AIG1: variants seen among roughly 807,000 people sequenced by gnomAD.
The protein encoded by AIG1 is androgen induced 1, also known as androgen-induced gene 1 protein.
In AIG1, 23 loss-of-function variants were observed where a neutral mutation model predicts 31.4. The observed-to-expected ratio is 0.73, with a 90% CI of 0.53 to 1.04. AIG1 has a LOEUF of 1.04. Ranked by LOEUF, AIG1 falls within the 50% of genes least tolerant of loss-of-function variation. The pLI is 0.00. For synonymous variants in AIG1, 100 were observed against 110.5 expected (o/e 0.90, Z 0.60); for missense variants, 274 against 295.0 (o/e 0.93, Z 0.52).
chr6:143,302,777 C>T lies in AIG1; in HGVS notation c.515+18552C>T, dbSNP rs185740974. Among the ~76,000 whole-genome samples the T allele has an allele frequency of 7.9e-3, 1,204 of 152,302 alleles. 15 individuals carry two copies. Among genetic ancestry groups the T allele is most frequent in the African/African-American group, 0.027 (1,115 of 41,552 alleles). Reference sequence around the variant, plus strand: ...GCTGGGTCAAATGGCATTTCTAGTTCTAGATCCCTGAGGAATCGCCACACT... The same window carrying T: ...GCTGGGTCAAATGGCATTTCTAGTTTTAGATCCCTGAGGAATCGCCACACT... On this transcript the variant is annotated intron_variant, in intron 4 of 5. Transcript: ENST00000357847.
chr6:143,207,144 A>T (rs1381707137), intron 3 of AIG1, among the ~76,000 whole-genome samples: 1 of 152,086 alleles, frequency 6.6e-6, no homozygotes, highest in Admixed American at 6.6e-5. Context: ...CTTTTTGTGA[A>T]TGCAGTTCTT....
intron 1 of AIG1, chr6:143,061,599 G>C (rs1255648345): frequency 1.0e-5 from 3 of 286,908 alleles, no homozygotes; most frequent in Non-Finnish European, 2.1e-5. Flanking sequence ...CTTTGCATCT[G>C]TTTTTTTCCC....
In AIG1 at chr6:143,129,058, G is replaced by A. The variant is rs1026375301; in HGVS notation, c.142-7777G>A. On this transcript the variant is annotated intron_variant, in intron 1 of 5. Transcript: ENST00000357847. Reference sequence around the variant, plus strand: ...TGTAATCCCAGCATTTTGGGAGGCCGAGGCAGGCAGATCACGAGGTCAAGA... The same window carrying A: ...TGTAATCCCAGCATTTTGGGAGGCCAAGGCAGGCAGATCACGAGGTCAAGA... Among the ~76,000 whole-genome samples, 4 of 152,144 alleles carry A rather than the reference G, an allele frequency of 2.6e-5. No homozygotes were observed. The South Asian group carries it at 8.3e-4, about 32-fold the overall frequency.
At chr6:143,305,380 C>G (rs1437250450) in intron 4 of AIG1, among the ~76,000 whole-genome samples, 1 of 152,094 alleles carries the variant, frequency 6.6e-6, no homozygotes, top group Non-Finnish European at 1.5e-5. Context: ...AAATTTCCCT[C>G]TACACACTGC....
intron 3 of AIG1, among the ~76,000 whole-genome samples, chr6:143,220,747 T>C (rs1792424333): frequency 6.6e-6 from 1 of 152,258 alleles, no homozygotes; most frequent in Admixed American, 6.5e-5. Flanking sequence ...GAGTGTTTAT[T>C]GGGCCTCTCC....
intron 1 of AIG1, among the ~76,000 whole-genome samples, chr6:143,095,124 AGT>A (rs1163408545): frequency 1.2e-4 from 19 of 152,230 alleles, no homozygotes; most frequent in Non-Finnish European, 2.8e-4. Context: ...AAACCAGATC[AGT>A]GTGATGGAGA....
intron 4 of AIG1, among the ~76,000 whole-genome samples, chr6:143,317,947 G>A (rs983765238): frequency 2.6e-5 from 4 of 152,008 alleles, no homozygotes; most frequent in Non-Finnish European, 5.9e-5. Flanking sequence ...TCAAGGAGGT[G>A]AAAGACATCT....
At chr6:143,310,071 A>G (rs575034961) in intron 4 of AIG1, among the ~76,000 whole-genome samples, 2 of 152,122 alleles carry the variant, frequency 1.3e-5, no homozygotes, top group East Asian at 3.9e-4. Context: ...CCCCTCTTTT[A>G]GCAATTATTA....
intron 3 of AIG1, among the ~76,000 whole-genome samples, chr6:143,212,544 G>A (rs1791673174): frequency 6.6e-6 from 1 of 152,162 alleles, no homozygotes; most frequent in African/African-American, 2.4e-5. Flanking sequence ...TTAAGCAAGT[G>A]ACTGACCAGA....
chr6:143,285,970 A>G (rs897342789), intron 4 of AIG1, among the ~76,000 whole-genome samples: 7 of 152,178 alleles, frequency 4.6e-5, no homozygotes, highest in African/African-American at 1.7e-4. Flanking sequence ...TGTTTAAAAC[A>G]TACCTGGAAC....
At chr6:143,145,131 C>T (rs957993913) in intron 2 of AIG1, among the ~76,000 whole-genome samples, 2 of 152,096 alleles carry the variant, frequency 1.3e-5, no homozygotes, top group African/African-American at 4.8e-5. Flanking sequence ...CTCAAGTGAT[C>T]CTCGCACCTC....
At chr6:143,151,277 A>T (rs1562431637) in intron 2 of AIG1, among the ~76,000 whole-genome samples, 1 of 152,168 alleles carries the variant, frequency 6.6e-6, no homozygotes, top group Non-Finnish European at 1.5e-5. Flanking sequence ...AATAAATCAC[A>T]ATTGTGTTTG....
At chr6:143,311,368 T>C (rs937656739) in intron 4 of AIG1, among the ~76,000 whole-genome samples, 1 of 151,922 alleles carries the variant, frequency 6.6e-6, no homozygotes, top group Non-Finnish European at 1.5e-5. Context: ...ACACAGTCTA[T>C]GCATATAACA....
At chr6:143,231,855 C>T (rs114851670) in intron 3 of AIG1, among the ~76,000 whole-genome samples, 1,890 of 152,172 alleles carry the variant, frequency 0.012, 35 homozygotes, top group African/African-American at 0.041. Context: ...TGATAGCATA[C>T]GTATAGATGA....
chr6:143,314,599 T>C (rs978262955), intron 4 of AIG1, among the ~76,000 whole-genome samples: 1 of 152,042 alleles, frequency 6.6e-6, no homozygotes, highest in African/African-American at 2.4e-5. Context: ...TTAGATAACA[T>C]CTAATAAAAT....
intron 3 of AIG1, among the ~76,000 whole-genome samples, chr6:143,194,936 A>T (rs1447302234): frequency 6.6e-6 from 1 of 152,252 alleles, no homozygotes; most frequent in Non-Finnish European, 1.5e-5. Context: ...GGGAGTCCCT[A>T]GAAAGTGGGC....
intron 5 of AIG1, among the ~76,000 whole-genome samples, chr6:143,336,991 T>G (rs2128726000): frequency 6.6e-6 from 1 of 152,324 alleles, no homozygotes; most frequent in African/African-American, 2.4e-5. Context: ...CCATTCCATT[T>G]TAAGGCTTGA....
intron 4 of AIG1, among the ~76,000 whole-genome samples, chr6:143,306,101 T>C (rs1272703140): frequency 6.7e-6 from 1 of 150,206 alleles, no homozygotes; most frequent in Non-Finnish European, 1.5e-5. Context: ...CATCCTTTTA[T>C]TTTGAGCCTA....
chr6:143,315,591 T>C lies in AIG1; in HGVS notation c.516-17691T>C, dbSNP rs570415610. Reference sequence around the variant, plus strand: ...AGAGAAAGGACATCTTTTTAACAAATGGCACTGCAGCAATTGGAAGTCCAT... The same window carrying C: ...AGAGAAAGGACATCTTTTTAACAAACGGCACTGCAGCAATTGGAAGTCCAT... On this transcript the variant is annotated intron_variant, in intron 4 of 5. Transcript: ENST00000357847. Among the ~76,000 whole-genome samples the C allele has an allele frequency of 4.6e-5, 7 of 152,232 alleles. No homozygotes were observed. The South Asian group carries it at 1.2e-3, about 27-fold the overall frequency.
Sources: allele counts gnomAD v4.1 joint callset (sites outside exome capture counted in the v4.1 genomes callset), GRCh38; gene constraint gnomAD v4.1.1; transcripts MANE v1.5; gene names NCBI Gene and HGNC (gene_info 2026-07-23, HGNC 2026-07-21).